Variants in ENTREP2 observed in about 807,000 individuals in gnomAD.
The protein encoded by ENTREP2 is protein ENTREP2.
chr15:29,342,880 A>G, the ENTREP2 span, among the ~76,000 whole-genome samples: 1 of 152,106 alleles, frequency 6.6e-6, no homozygotes, highest in East Asian at 1.9e-4. Flanking sequence ...TATTTCTCCC[A>G]GTTTGGTACT....
the ENTREP2 span, among the ~76,000 whole-genome samples, chr15:29,272,428 T>C: frequency 6.6e-6 from 1 of 152,146 alleles, no homozygotes; most frequent in Non-Finnish European, 1.5e-5. Flanking sequence ...TCCGAAAATA[T>C]TAGGATATTT....
the ENTREP2 span, among the ~76,000 whole-genome samples, chr15:29,333,799 T>C: frequency 4.6e-5 from 7 of 152,102 alleles, no homozygotes; most frequent in East Asian, 1.4e-3. Flanking sequence ...GCAGATGCTA[T>C]TGACTAAGAT....
chr15:29,166,993 T>TACAGAAC, the ENTREP2 span, among the ~76,000 whole-genome samples: 1 of 152,110 alleles, frequency 6.6e-6, no homozygotes, highest in African/African-American at 2.4e-5. Context: ...TGGAACAGAA[T>TACAGAAC]ACAGAACCCA....
chr15:29,300,151 AATGGATGGATGGATGG>A, the ENTREP2 span, among the ~76,000 whole-genome samples: 21,244 of 127,898 alleles, frequency 0.17, 2,797 homozygotes, highest in African/African-American at 0.39. Flanking sequence ...ATGGATGGAT[AATGGATGGATGGATGG>A]ATGGATGGAT....
chr15:29,333,836 C>G, the ENTREP2 span, among the ~76,000 whole-genome samples: 1 of 151,926 alleles, frequency 6.6e-6, no homozygotes, highest in South Asian at 2.1e-4. Context: ...AGGGGAGGCC[C>G]GCGGTCCAAT....
chr15:29,187,834 G>A, the ENTREP2 span, among the ~76,000 whole-genome samples: 3 of 152,352 alleles, frequency 2.0e-5, no homozygotes, highest in Admixed American at 6.5e-5. Context: ...GGTGACCACA[G>A]ACATATAAGC....
At chr15:29,610,777 A>C in the ENTREP2 span, 2 of 150,444 alleles carry the variant, frequency 1.3e-5, no homozygotes, top group Non-Finnish European at 3.0e-5. Context: ...ATCCAAGCTG[A>C]GTCTCATCTC....
At chr15:29,327,074 T>C in the ENTREP2 span, among the ~76,000 whole-genome samples, 2 of 152,032 alleles carry the variant, frequency 1.3e-5, no homozygotes, top group African/African-American at 4.8e-5. Flanking sequence ...TCAAAAGGGA[T>C]CATGCACCTA....
At chr15:29,434,969 T>G in the ENTREP2 span, among the ~76,000 whole-genome samples, 1 of 152,176 alleles carries the variant, frequency 6.6e-6, no homozygotes, top group East Asian at 1.9e-4. Context: ...ATCTCAGCTA[T>G]GATCCAGGTT....
At chr15:29,175,096 G>C in the ENTREP2 span, among the ~76,000 whole-genome samples, 1 of 152,104 alleles carries the variant, frequency 6.6e-6, no homozygotes, top group South Asian at 2.1e-4. Flanking sequence ...CTAGTGTCCC[G>C]GGTAGCAGCC....
At chr15:29,152,111 T>A in the ENTREP2 span, among the ~76,000 whole-genome samples, 1 of 152,190 alleles carries the variant, frequency 6.6e-6, no homozygotes, top group Non-Finnish European at 1.5e-5. Context: ...GTCAGTAACA[T>A]GTCTAAGGAA....
chr15:29,198,374 A>T, the ENTREP2 span, among the ~76,000 whole-genome samples: 1 of 152,190 alleles, frequency 6.6e-6, no homozygotes, highest in South Asian at 2.1e-4. Context: ...TGCACACACA[A>T]CATTACTAGG....
the ENTREP2 span, among the ~76,000 whole-genome samples, chr15:29,133,166 C>T: frequency 6.6e-5 from 10 of 152,264 alleles, no homozygotes; most frequent in African/African-American, 2.2e-4. Flanking sequence ...CCTGCCATCC[C>T]CAGTATCTAG....
At chr15:29,241,564 T>C in the ENTREP2 span, among the ~76,000 whole-genome samples, 2 of 152,206 alleles carry the variant, frequency 1.3e-5, no homozygotes, top group African/African-American at 4.8e-5. Flanking sequence ...TATTACTATT[T>C]CATTTCATAT....
chr15:29,557,218 C>A, the ENTREP2 span, among the ~76,000 whole-genome samples: 2 of 152,154 alleles, frequency 1.3e-5, no homozygotes, highest in Non-Finnish European at 2.9e-5. Context: ...CCCCTCCCTG[C>A]CTGATGAGTT....
At chr15:29,641,903 C>T in the ENTREP2 span, among the ~76,000 whole-genome samples, 1 of 147,954 alleles carries the variant, frequency 6.8e-6, no homozygotes, top group Admixed American at 6.7e-5. Context: ...GAATAAAATA[C>T]CTAGGAGTAA....
the ENTREP2 span, among the ~76,000 whole-genome samples, chr15:29,467,257 A>G: frequency 6.6e-6 from 1 of 152,136 alleles, no homozygotes; most frequent in Non-Finnish European, 1.5e-5. Context: ...TGGAGTGAAC[A>G]ATGGACAAGA....
chr15:29,497,822 T>C, the ENTREP2 span, among the ~76,000 whole-genome samples: 1 of 152,188 alleles, frequency 6.6e-6, no homozygotes, highest in South Asian at 2.1e-4. Context: ...CTGCTAACTT[T>C]AGTTTGTTCT....
chr15:29,634,485 C>G, the ENTREP2 span, among the ~76,000 whole-genome samples: 1 of 152,196 alleles, frequency 6.6e-6, no homozygotes. Flanking sequence ...ACTCTCACCC[C>G]ACAAAAATCA....
Sources: allele counts gnomAD v4.1 joint callset (sites outside exome capture counted in the v4.1 genomes callset), GRCh38; gene constraint gnomAD v4.1.1; transcripts MANE v1.5; gene names NCBI Gene and HGNC (gene_info 2026-07-23, HGNC 2026-07-21).